Variants in HPCAL1 observed in about 807,000 individuals in gnomAD.
HPCAL1 encodes hippocalcin like 1.
HPCAL1 carries 8 observed loss-of-function variants against 17.1 expected under a neutral mutation model. The observed-to-expected ratio is 0.47, with a 90% CI of 0.27 to 0.84. The LOEUF (loss-of-function observed/expected upper bound fraction) is 0.84. Among genes scored for constraint, HPCAL1 ranks in the 40% least tolerant of loss-of-function variants. The pLI, the probability that HPCAL1 is intolerant of heterozygous loss-of-function variation, is 0.13. For missense variants in HPCAL1, 165 were observed against 271.1 expected (o/e 0.61, Z 2.75); for synonymous variants, 112 against 111.4 (o/e 1.01, Z -0.03).
In HPCAL1 at chr2:10,309,939, G is replaced by A. The variant is rs75288295; in HGVS notation, c.-111+6762G>A. Among the ~76,000 whole-genome samples, 1,080 of 152,320 alleles carry A rather than the reference G, an allele frequency of 7.1e-3. 5 individuals carry two copies. The highest frequency in any genetic ancestry group is 0.017 in the Middle Eastern group (5 of 294). ...GACAGAAACCATGAAAGAAATCATG[G>A]TGGAAAGAACCAAGACATTCTTGAA... On this transcript the variant is annotated intron_variant, in intron 1 of 4. Coordinates refer to ENST00000307845, the MANE Select transcript of HPCAL1 (RefSeq NM_002149.4).
chr2:10,370,160 C>G (rs987378576), intron 1 of HPCAL1, among the ~76,000 whole-genome samples: 7 of 152,246 alleles, frequency 4.6e-5, no homozygotes, highest in Admixed American at 3.9e-4. Context: ...CACTCTCCTT[C>G]CTGCATTTCT....
chr2:10,317,797 C>A (rs918491995), intron 1 of HPCAL1, among the ~76,000 whole-genome samples: 2 of 152,234 alleles, frequency 1.3e-5, no homozygotes, highest in Non-Finnish European at 1.5e-5. Flanking sequence ...ATTGGAGGCC[C>A]TGCCCTGGCG....
Position 10,372,897 on chromosome 2 carries a change from C to G in HPCAL1, c.-110-23938C>G, listed in dbSNP as rs553527493. Among the ~76,000 whole-genome samples, 3 of 152,356 alleles carry G rather than the reference C, an allele frequency of 2.0e-5. No homozygotes were observed. The East Asian group carries it at 5.8e-4, about 29-fold the overall frequency. On this transcript the variant is annotated intron_variant, in intron 1 of 4. Coordinates refer to ENST00000307845, the MANE Select transcript of HPCAL1 (RefSeq NM_002149.4). ...GCTCTGGGTCCCGGGACTGTGGCCCCCCTCCTGCCTCTAAAGCCCCTCTTC... is the reference window on the plus strand; with the variant it reads ...GCTCTGGGTCCCGGGACTGTGGCCCGCCTCCTGCCTCTAAAGCCCCTCTTC...
intron 1 of HPCAL1, among the ~76,000 whole-genome samples, chr2:10,350,609 A>AAC (rs1337913799): frequency 6.6e-6 from 1 of 152,106 alleles, no homozygotes; most frequent in African/African-American, 2.4e-5. Flanking sequence ...CAAAATTTAA[A>AAC]ACACCTGTGC....
intron 1 of HPCAL1, among the ~76,000 whole-genome samples, chr2:10,324,728 A>T (rs1019752785): frequency 5.6e-5 from 5 of 89,716 alleles, no homozygotes; most frequent in Admixed American, 5.5e-4. Flanking sequence ...CTGCTGGGGG[A>T]GGGGGTGTTT....
chr2:10,348,739 A>C (rs1371994989), intron 1 of HPCAL1, among the ~76,000 whole-genome samples: 4 of 152,148 alleles, frequency 2.6e-5, no homozygotes, highest in Admixed American at 2.6e-4. Context: ...TGATCCCACC[A>C]CTGCACTCCA....
intron 4 of HPCAL1, chr2:10,423,392 G>A (rs1166333540): frequency 3.0e-5 from 9 of 299,688 alleles, no homozygotes; most frequent in Non-Finnish European, 5.8e-5. Flanking sequence ...TTAGGGGCAG[G>A]GAGGCAAGCA....
rs562779793 is a variant in HPCAL1, at chr2:10,391,376, G to A, written c.-110-5459G>A. On this transcript the variant is annotated intron_variant, in intron 1 of 4. Transcript: ENST00000307845. ...TCTGCTCTTTGCTCTCCTGTCCACTGGCATATAGGAGTAGGAGGATATTGA... is the reference window on the plus strand; with the variant it reads ...TCTGCTCTTTGCTCTCCTGTCCACTAGCATATAGGAGTAGGAGGATATTGA... Among the ~76,000 whole-genome samples, 3 of 152,250 alleles carry A rather than the reference G, an allele frequency of 2.0e-5. No homozygotes were observed. The East Asian group carries it at 5.8e-4, about 29-fold the overall frequency.
At chr2:10,334,129 G>A (rs549164206) in intron 1 of HPCAL1, among the ~76,000 whole-genome samples, 2 of 152,208 alleles carry the variant, frequency 1.3e-5, no homozygotes, top group Middle Eastern at 3.4e-3. Flanking sequence ...CGCGTTTTAC[G>A]CTCTTGCTAC....
Position 10,330,182 on chromosome 2 carries a change from T to C in HPCAL1, c.-111+27005T>C, listed in dbSNP as rs1664269826. 1 of 152,262 alleles carries C rather than the reference T, an allele frequency of 6.6e-6. No individual in the cohort carries two copies. The highest frequency in any genetic ancestry group is 1.5e-5 in the Non-Finnish European group (1 of 68,078). 9.4% of individuals were successfully genotyped at this position (152,262 alleles called of 1,614,324 possible). On this transcript the variant is annotated intron_variant, in intron 1 of 4. Coordinates refer to ENST00000307845, the MANE Select transcript of HPCAL1 (RefSeq NM_002149.4). The surrounding 1 kb of genome is among the most constrained non-coding windows in gnomAD (Gnocchi z 4.2). ...GGCCTTTATGCTGTGTTCGGGGCTG[T>C]CTGTCGGCGCCACAGGGAATGGGGG...
chr2:10,320,458 T>A (rs1443746728), intron 1 of HPCAL1, among the ~76,000 whole-genome samples: 1 of 152,198 alleles, frequency 6.6e-6, no homozygotes, highest in Non-Finnish European at 1.5e-5. Flanking sequence ...TCCAGCCATG[T>A]AGGACGTGCC....
intron 1 of HPCAL1, among the ~76,000 whole-genome samples, chr2:10,308,767 G>A (rs547200741): frequency 1.3e-5 from 2 of 152,330 alleles, no homozygotes; most frequent in East Asian, 3.9e-4. Context: ...CTAGCAGAGT[G>A]TGGGGATTTA....
In HPCAL1 at chr2:10,315,418, A is replaced by G. The variant is rs1167188152; in HGVS notation, c.-111+12241A>G. On this transcript the variant is annotated intron_variant, in intron 1 of 4. Coordinates refer to ENST00000307845, the MANE Select transcript of HPCAL1 (RefSeq NM_002149.4). ...AACGGTGGTTGTATTCCATGGGATCATGGGTCTTTCTTGATTTTTCATGTT... is the reference window on the plus strand; with the variant it reads ...AACGGTGGTTGTATTCCATGGGATCGTGGGTCTTTCTTGATTTTTCATGTT... 2.0e-5 allele frequency among the ~76,000 whole-genome samples: 3 copies of G among 152,194 alleles called. No homozygotes were observed. The East Asian group carries it at 5.8e-4, about 29-fold the overall frequency.
At chr2:10,340,901 A>G (rs1665039443) in intron 1 of HPCAL1, among the ~76,000 whole-genome samples, 1 of 152,210 alleles carries the variant, frequency 6.6e-6, no homozygotes. Flanking sequence ...CGAGTTCATG[A>G]AATTAACTCT....
At chr2:10,308,101 C>T (rs1183679926) in intron 1 of HPCAL1, among the ~76,000 whole-genome samples, 1 of 151,960 alleles carries the variant, frequency 6.6e-6, no homozygotes, top group African/African-American at 2.4e-5. Context: ...GCTCCTACCC[C>T]AGTATAGGGG....
chr2:10,346,424 T>C (rs1013958872), intron 1 of HPCAL1, among the ~76,000 whole-genome samples: 3 of 152,200 alleles, frequency 2.0e-5, no homozygotes, highest in African/African-American at 7.2e-5. Context: ...TCCCTCATCC[T>C]CAAATGTTAA....
intron 2 of HPCAL1, among the ~76,000 whole-genome samples, chr2:10,397,452 C>G (rs1260703225): frequency 6.6e-6 from 1 of 151,690 alleles, no homozygotes; most frequent in East Asian, 2.0e-4. Flanking sequence ...TGGCTCTCCC[C>G]TCAGAGCAGT....
At chr2:10,368,449 A>C (rs1305287489) in intron 1 of HPCAL1, among the ~76,000 whole-genome samples, 3 of 152,016 alleles carry the variant, frequency 2.0e-5, no homozygotes, top group Non-Finnish European at 4.4e-5. Flanking sequence ...GGTGGTTCCC[A>C]CCTCTCTGTT....
intron 2 of HPCAL1, chr2:10,408,546 G>A (rs914924847): frequency 2.0e-5 from 3 of 152,214 alleles, no homozygotes; most frequent in Non-Finnish European, 4.4e-5. Context: ...CTCTTTCCCC[G>A]GATCTGACTC....
Sources: gnomAD v4.1 joint callset for allele counts (sites outside exome capture counted in the v4.1 genomes callset) on GRCh38, gnomAD v4.1.1 for gene constraint, Gnocchi (gnomAD v3.1) non-coding constraint, MANE v1.5 for transcripts, NCBI Gene and HGNC (gene_info 2026-07-23, HGNC 2026-07-21) for gene names.